Variants in RGS7 observed in about 807,000 individuals in gnomAD.
The protein encoded by RGS7 is regulator of G-protein signaling 7.
Under a neutral mutation model 81.1 loss-of-function variants are expected in RGS7, and 27 were observed. That is an observed-to-expected ratio of 0.33 (90% CI 0.25 to 0.46). RGS7 has a LOEUF of 0.46. Among genes scored for constraint, RGS7 ranks in the 20% least tolerant of loss-of-function variants. RGS7 has a pLI of 1.00. For missense variants in RGS7, 396 were observed against 607.4 expected, an observed-to-expected ratio of 0.65 and a Z score of 3.66; for synonymous variants, 208 against 207.7, an observed-to-expected ratio of 1.00 and a Z score of -0.01.
intron 9 of RGS7, among the ~76,000 whole-genome samples, chr1:240,844,717 T>G (rs1658744338): frequency 6.6e-6 from 1 of 152,180 alleles, no homozygotes; most frequent in South Asian, 2.1e-4. Flanking sequence ...TGTCAAAATA[T>G]TTTTCAATCC....
chr1:241,105,000 G>C (rs2065013561), intron 2 of RGS7, among the ~76,000 whole-genome samples: 1 of 152,172 alleles, frequency 6.6e-6, no homozygotes, highest in South Asian at 2.1e-4. Flanking sequence ...TGAGATGTTT[G>C]ATATGTTTTT....
intron 2 of RGS7, among the ~76,000 whole-genome samples, chr1:241,203,398 A>T (rs2073661001): frequency 6.6e-6 from 1 of 151,860 alleles, no homozygotes; most frequent in African/African-American, 2.4e-5. Flanking sequence ...ATGCCTGGCT[A>T]ATTTTTGTAT....
chr1:240,978,357 GCAAT>G (rs1487338433), intron 4 of RGS7, among the ~76,000 whole-genome samples: 1 of 152,048 alleles, frequency 6.6e-6, no homozygotes, highest in Non-Finnish European at 1.5e-5. Context: ...ATGTAATAAA[GCAAT>G]CAATGAAACA....
At chr1:241,211,344 A>G (rs370447501) in intron 2 of RGS7, among the ~76,000 whole-genome samples, 23 of 152,174 alleles carry the variant, frequency 1.5e-4, no homozygotes, top group Admixed American at 1.5e-3. Context: ...TATTAGTCAG[A>G]TAAGAGTCTC....
chr1:241,132,077 C>T (rs2067139354), intron 2 of RGS7, among the ~76,000 whole-genome samples: 1 of 152,198 alleles, frequency 6.6e-6, no homozygotes, highest in African/African-American at 2.4e-5. Flanking sequence ...CGCCAGGCTC[C>T]AAGAGCCAAG....
intron 2 of RGS7, among the ~76,000 whole-genome samples, chr1:241,169,774 C>A (rs2070588390): frequency 6.6e-6 from 1 of 152,098 alleles, no homozygotes; most frequent in East Asian, 1.9e-4. Flanking sequence ...AGAAGAAATT[C>A]AATTGTGTTT....
chr1:240,981,435 C>G (rs1485725045), intron 4 of RGS7, among the ~76,000 whole-genome samples: 1 of 152,054 alleles, frequency 6.6e-6, no homozygotes, highest in Non-Finnish European at 1.5e-5. Context: ...AGAAATAATA[C>G]TCTTTTAAAT....
At chr1:241,003,953 G>C (rs1370855906) in intron 3 of RGS7, among the ~76,000 whole-genome samples, 1 of 152,064 alleles carries the variant, frequency 6.6e-6, no homozygotes, top group African/African-American at 2.4e-5. Flanking sequence ...TCACCATGTT[G>C]GTCAGGCTGG....
intron 10 of RGS7, 84 bp from the exon 11 acceptor site, chr1:240,816,499 T>A: frequency 1.1e-6 from 1 of 908,714 alleles, no homozygotes; most frequent in Non-Finnish European, 1.8e-6. Flanking sequence ...CTAGCATAAA[T>A]TCAGTAAGGT....
chr1:240,820,476 G>C (rs942028000), intron 10 of RGS7, among the ~76,000 whole-genome samples: 1 of 151,876 alleles, frequency 6.6e-6, no homozygotes, highest in Non-Finnish European at 1.5e-5. Context: ...TTTAGGCAGG[G>C]GGTGGGGGTT....
chr1:241,084,635 G>C (rs767407311), intron 3 of RGS7, among the ~76,000 whole-genome samples: 1 of 152,112 alleles, frequency 6.6e-6, no homozygotes, highest in African/African-American at 2.4e-5. Flanking sequence ...CTCAAATTTT[G>C]CTCTTACCAG....
chr1:241,136,740 TC>T lies in RGS7; in HGVS notation c.79-37979del, dbSNP rs1283215501. 2.0e-5 allele frequency among the ~76,000 whole-genome samples: 3 copies of T among 152,124 alleles called. No homozygotes were observed. In the East Asian group the frequency reaches 5.8e-4, roughly 30 times the overall value. ...CTTTTGGACACTGCCTTAGTTCAGCTCAAGTGCATTTGTGATTTCACATGTA... is the reference window on the plus strand; with the variant it reads ...CTTTTGGACACTGCCTTAGTTCAGCTAAGTGCATTTGTGATTTCACATGTA... On this transcript the variant is annotated intron_variant, in intron 2 of 18. Transcript: ENST00000440928.
chr1:241,048,847 C>T (rs1033590783), intron 3 of RGS7, among the ~76,000 whole-genome samples: 2 of 152,186 alleles, frequency 1.3e-5, no homozygotes, highest in Non-Finnish European at 2.9e-5. Context: ...AGCTACAGGT[C>T]TGAGACTGAT....
chr1:240,971,992 C>T (rs1377384126), intron 4 of RGS7, among the ~76,000 whole-genome samples: 3 of 152,150 alleles, frequency 2.0e-5, no homozygotes, highest in African/African-American at 7.2e-5. Context: ...GAAGAGCATA[C>T]AGAAAAGATC....
intron 2 of RGS7, among the ~76,000 whole-genome samples, chr1:241,221,904 T>A (rs1433705624): frequency 6.6e-5 from 10 of 152,182 alleles, no homozygotes; most frequent in Non-Finnish European, 1.2e-4. Context: ...TCTCTCTCTC[T>A]CTTTATACAC....
intron 6 of RGS7, among the ~76,000 whole-genome samples, chr1:240,926,938 A>C (rs1191805749): frequency 2.0e-5 from 3 of 152,240 alleles, no homozygotes; most frequent in Non-Finnish European, 1.5e-5. Context: ...ATTATGAAAA[A>C]GTAGTTTTTC....
At chr1:240,946,338 C>G (rs953706510) in intron 4 of RGS7, among the ~76,000 whole-genome samples, 2 of 152,136 alleles carry the variant, frequency 1.3e-5, no homozygotes, top group African/African-American at 4.8e-5. Flanking sequence ...CATGGTGGCT[C>G]ACACCTGTAA....
At chr1:240,842,324 G>T (rs1023958352) in intron 9 of RGS7, among the ~76,000 whole-genome samples, 4 of 149,668 alleles carry the variant, frequency 2.7e-5, no homozygotes, top group Non-Finnish European at 5.9e-5. Flanking sequence ...TCAGCCTCCC[G>T]AGTAGCTGGG....
chr1:241,001,982 G>A (rs1240093543), intron 3 of RGS7, among the ~76,000 whole-genome samples: 4 of 152,114 alleles, frequency 2.6e-5, no homozygotes, highest in South Asian at 2.1e-4. Context: ...GCCCCTGTGC[G>A]ATAATGATGC....
Sources: gnomAD v4.1 joint callset for allele counts (sites outside exome capture counted in the v4.1 genomes callset) on GRCh38, gnomAD v4.1.1 for gene constraint, MANE v1.5 for transcripts, NCBI Gene and HGNC (gene_info 2026-07-23, HGNC 2026-07-21) for gene names.